Variants in PLCB1 observed in about 807,000 individuals in gnomAD.
PLCB1 encodes 1-phosphatidylinositol 4,5-bisphosphate phosphodiesterase beta-1.
A neutral mutation model predicts 161.8 loss-of-function variants in PLCB1; 46 were observed. That is an observed-to-expected ratio of 0.28 (90% CI 0.22 to 0.36). The LOEUF (loss-of-function observed/expected upper bound fraction) is 0.36. PLCB1 is among the 10% of genes least tolerant of loss of function. The pLI, the probability that PLCB1 is intolerant of heterozygous loss-of-function variation, is 1.00. For synonymous variants in PLCB1, 517 were observed against 503.7 expected, an observed-to-expected ratio of 1.03 and a Z score of -0.35; for missense variants, 1,016 against 1,472.5, an observed-to-expected ratio of 0.69 and a Z score of 5.07.
intron 3 of PLCB1, among the ~76,000 whole-genome samples, chr20:8,387,363 T>G (rs1294863692): frequency 6.6e-6 from 1 of 152,148 alleles, no homozygotes; most frequent in Non-Finnish European, 1.5e-5. Flanking sequence ...GAGAAAAGGG[T>G]GGCCCCAGGA....
At chr20:8,798,878 A>C (rs996738047) in intron 31 of PLCB1, among the ~76,000 whole-genome samples, 6 of 140,026 alleles carry the variant, frequency 4.3e-5, no homozygotes, top group African/African-American at 1.6e-4. Context: ...TTAAGTAAAA[A>C]TCAGAAAATG....
chr20:8,494,141 TGA>T (rs2122785676), intron 3 of PLCB1, among the ~76,000 whole-genome samples: 1 of 151,892 alleles, frequency 6.6e-6, no homozygotes, highest in Non-Finnish European at 1.5e-5. Flanking sequence ...CCTTGGTGTA[TGA>T]GAGTCTGCAT....
At chr20:8,314,546 C>T (rs1397224076) in intron 2 of PLCB1, among the ~76,000 whole-genome samples, 1 of 152,176 alleles carries the variant, frequency 6.6e-6, no homozygotes, top group African/African-American at 2.4e-5. Flanking sequence ...GCTATATAAC[C>T]TTTGTCTGCC....
chr20:8,198,474 G>C (rs2052053476), intron 2 of PLCB1, among the ~76,000 whole-genome samples: 1 of 151,984 alleles, frequency 6.6e-6, no homozygotes, highest in Admixed American at 6.6e-5. Context: ...GACAGCAATG[G>C]GGCTCTCTTA....
chr20:8,177,614 G>GTATTAT (rs551355156), intron 2 of PLCB1, among the ~76,000 whole-genome samples: 7,431 of 151,406 alleles, frequency 0.049, 212 homozygotes, highest in Middle Eastern at 0.13. Flanking sequence ...CAGGGCCCAA[G>GTATTAT]TATTATTATT....
At chr20:8,828,844 T>G (rs1184088144) in intron 31 of PLCB1, among the ~76,000 whole-genome samples, 2 of 152,196 alleles carry the variant, frequency 1.3e-5, no homozygotes, top group African/African-American at 2.4e-5. Context: ...CTGAATAGAT[T>G]CCCTTAGGGG....
chr20:8,881,428 T>C (rs753848218), intron 31 of PLCB1, among the ~76,000 whole-genome samples, 194 bp from the exon 32 acceptor site: 4 of 151,956 alleles, frequency 2.6e-5, no homozygotes, highest in African/African-American at 4.8e-5. Context: ...TAACTTGAAG[T>C]TGACTTTCAG....
intron 31 of PLCB1, among the ~76,000 whole-genome samples, chr20:8,826,750 C>T (rs1985726842): frequency 6.6e-6 from 1 of 152,182 alleles, no homozygotes; most frequent in Non-Finnish European, 1.5e-5. Flanking sequence ...AGAAGTTTCA[C>T]TCTAAATGGG....
At chr20:8,754,091 G>A (rs922256627) in intron 23 of PLCB1, among the ~76,000 whole-genome samples, 1 of 152,086 alleles carries the variant, frequency 6.6e-6, no homozygotes, top group Non-Finnish European at 1.5e-5. Flanking sequence ...CTTTATCCCC[G>A]ACTGCAACCA....
chr20:8,675,651 G>A (rs934126874), intron 9 of PLCB1, among the ~76,000 whole-genome samples: 6 of 152,084 alleles, frequency 3.9e-5, no homozygotes, highest in Non-Finnish European at 8.8e-5. Context: ...GGATAAATAT[G>A]GTAGATTGAA....
At chr20:8,240,592 C>T (rs1306723218) in intron 2 of PLCB1, among the ~76,000 whole-genome samples, 2 of 151,752 alleles carry the variant, frequency 1.3e-5, no homozygotes, top group East Asian at 3.9e-4. Context: ...AAGTATTGGC[C>T]TTCTTTGGGA....
intron 2 of PLCB1, among the ~76,000 whole-genome samples, chr20:8,255,762 A>G (rs1474806058): frequency 6.6e-6 from 1 of 152,050 alleles, no homozygotes; most frequent in African/African-American, 2.4e-5. Context: ...GTAAATATTT[A>G]ATAAATTGTC....
chr20:8,529,563 G>C (rs538435518), intron 3 of PLCB1, among the ~76,000 whole-genome samples: 7 of 152,068 alleles, frequency 4.6e-5, no homozygotes, highest in South Asian at 4.1e-4. Context: ...CTCTTAAAAG[G>C]GTTTGAAGGA....
chr20:8,434,593 G>T (rs1980215575), intron 3 of PLCB1, among the ~76,000 whole-genome samples: 1 of 152,172 alleles, frequency 6.6e-6, no homozygotes, highest in African/African-American at 2.4e-5. Flanking sequence ...ATTCATATCT[G>T]TATACCAAAC....
intron 2 of PLCB1, among the ~76,000 whole-genome samples, chr20:8,284,809 G>T (rs1436326294): frequency 1.3e-5 from 2 of 151,740 alleles, no homozygotes; most frequent in African/African-American, 2.4e-5. Context: ...GGTCTGCTTG[G>T]CCTCTTCCTC....
intron 27 of PLCB1, among the ~76,000 whole-genome samples, chr20:8,783,765 T>G (rs1983350523): frequency 6.6e-6 from 1 of 152,206 alleles, no homozygotes; most frequent in Non-Finnish European, 1.5e-5. Flanking sequence ...ATACAGGCAC[T>G]GATCCCTTCT....
intron 11 of PLCB1, among the ~76,000 whole-genome samples, chr20:8,708,131 A>G (rs1356589528): frequency 6.6e-6 from 1 of 152,152 alleles, no homozygotes; most frequent in Non-Finnish European, 1.5e-5. Flanking sequence ...CTCTCTGAAT[A>G]TACTAAAAAC....
At chr20:8,850,396 G>T (rs1325668999) in intron 31 of PLCB1, among the ~76,000 whole-genome samples, 1 of 152,180 alleles carries the variant, frequency 6.6e-6, no homozygotes, top group African/African-American at 2.4e-5. Flanking sequence ...AAACATTCCT[G>T]AGAAAGCAGA....
intron 31 of PLCB1, among the ~76,000 whole-genome samples, chr20:8,797,927 C>T (rs914316309): frequency 2.6e-5 from 4 of 152,274 alleles, no homozygotes; most frequent in African/African-American, 9.6e-5. Context: ...GGCATGGTGG[C>T]TTATGTCTGT....
Sources: allele counts gnomAD v4.1 joint callset (sites outside exome capture counted in the v4.1 genomes callset), GRCh38; gene constraint gnomAD v4.1.1; transcripts MANE v1.5; gene names NCBI Gene and HGNC (gene_info 2026-07-23, HGNC 2026-07-21).